ANKRD44: variants seen among roughly 807,000 people sequenced by gnomAD.
ANKRD44 encodes serine/threonine-protein phosphatase 6 regulatory ankyrin repeat subunit B.
Under a neutral mutation model 116.0 loss-of-function variants are expected in ANKRD44, and 35 were observed. That is an observed-to-expected ratio of 0.30 (90% CI 0.23 to 0.40). The LOEUF is 0.40. Ranked by LOEUF, ANKRD44 falls within the 10% of genes least tolerant of loss-of-function variation. The pLI is 1.00. For missense variants in ANKRD44, 1,014 were observed against 1,242.6 expected, an observed-to-expected ratio of 0.82 and a Z score of 2.77; for synonymous variants, 435 against 461.8, an observed-to-expected ratio of 0.94 and a Z score of 0.74.
At chr2:196,990,061 A>G in intron 27 of ANKRD44, 1 of 1,007,878 alleles carries the variant, frequency 9.9e-7, no homozygotes, top group African/African-American at 1.7e-5. Context: ...AGCAAGTTCA[A>G]TTTTTCAATT....
intron 2 of ANKRD44, among the ~76,000 whole-genome samples, chr2:197,153,497 G>A (rs1290131279): frequency 6.6e-6 from 1 of 152,140 alleles, no homozygotes; most frequent in East Asian, 1.9e-4. Context: ...CATGAGGACA[G>A]GAGCCAAACG....
At chr2:197,037,132 ACGTTCATATGAG>A (rs2076822761) in intron 16 of ANKRD44, among the ~76,000 whole-genome samples, 1 of 152,166 alleles carries the variant, frequency 6.6e-6, no homozygotes, top group Non-Finnish European at 1.5e-5. Flanking sequence ...ATACACCAAA[ACGTTCATATGAG>A]CGGAGGTAGT....
At chr2:197,019,475 G>A (rs894469674) in intron 17 of ANKRD44, among the ~76,000 whole-genome samples, 1 of 152,162 alleles carries the variant, frequency 6.6e-6, no homozygotes, top group Non-Finnish European at 1.5e-5. Flanking sequence ...CCTATGCTCT[G>A]CTCCTGTTAT....
intron 9 of ANKRD44, among the ~76,000 whole-genome samples, chr2:197,104,896 C>T (rs1011467676): frequency 3.3e-5 from 5 of 152,232 alleles, no homozygotes; most frequent in Non-Finnish European, 5.9e-5. Flanking sequence ...CTTCCCTCTA[C>T]TCTCAAGACT....
chr2:197,151,403 C>A (rs547524142), intron 2 of ANKRD44, among the ~76,000 whole-genome samples: 2 of 152,106 alleles, frequency 1.3e-5, no homozygotes, highest in African/African-American at 4.8e-5. Flanking sequence ...ACTTAAGACA[C>A]AAAGGACAAA....
intron 2 of ANKRD44, among the ~76,000 whole-genome samples, chr2:197,173,291 G>A (rs1025523557): frequency 2.0e-5 from 3 of 152,108 alleles, no homozygotes; most frequent in Non-Finnish European, 4.4e-5. Flanking sequence ...CTTTTTCAGT[G>A]ACACCTACAA....
At chr2:197,103,129 G>A (rs930531278) in intron 9 of ANKRD44, among the ~76,000 whole-genome samples, 36 of 151,430 alleles carry the variant, frequency 2.4e-4, no homozygotes, top group Admixed American at 6.6e-5. Context: ...TTGGGAGGCT[G>A]AGGCAGGAGA....
chr2:196,989,243 A>T lies in ANKRD44; in HGVS notation c.*348T>A. 1 of 985,848 alleles carries T rather than the reference A, an allele frequency of 1.0e-6. No individual in the cohort carries two copies. The highest frequency in any genetic ancestry group is 1.2e-6 in the Non-Finnish European group (1 of 830,034). 61.1% of individuals were successfully genotyped at this position (985,848 alleles called of 1,614,324 possible). ...ATTTCAAATAAATATAAACACATTT[A>T]CAGCAAAAGTATATGGACATTTTCT... On this transcript the variant is annotated 3_prime_UTR_variant, in exon 28 of 28. Transcript: ENST00000282272.
At chr2:197,014,270 T>C (rs990538392) in intron 17 of ANKRD44, among the ~76,000 whole-genome samples, 1 of 152,234 alleles carries the variant, frequency 6.6e-6, no homozygotes, top group East Asian at 1.9e-4. Flanking sequence ...GTTTGTTTCT[T>C]CATGTATAAG....
intron 27 of ANKRD44, among the ~76,000 whole-genome samples, chr2:196,993,123 T>G (rs899203343): frequency 6.6e-6 from 1 of 152,160 alleles, no homozygotes; most frequent in African/African-American, 2.4e-5. Context: ...ATTTCCATAC[T>G]GGGAATATGA....
chr2:197,098,512 T>C (rs897998519), intron 10 of ANKRD44, among the ~76,000 whole-genome samples: 2 of 152,218 alleles, frequency 1.3e-5, no homozygotes, highest in Non-Finnish European at 2.9e-5. Flanking sequence ...AAAAATTTAG[T>C]TATTGTTACA....
intron 1 of ANKRD44, among the ~76,000 whole-genome samples, chr2:197,209,013 A>G (rs1396302400): frequency 6.6e-6 from 1 of 152,336 alleles, no homozygotes; most frequent in Admixed American, 6.5e-5. Flanking sequence ...CAAAGGGGAT[A>G]TAACAGGCAA....
At chr2:197,082,373 C>A (rs2077817447) in intron 14 of ANKRD44, among the ~76,000 whole-genome samples, 1 of 152,100 alleles carries the variant, frequency 6.6e-6, no homozygotes, top group Non-Finnish European at 1.5e-5. Context: ...GAAGAGGAAA[C>A]AAGCAGTATT....
At chr2:197,211,451 T>C (rs1335230360) in intron 1 of ANKRD44, among the ~76,000 whole-genome samples, 2 of 152,190 alleles carry the variant, frequency 1.3e-5, no homozygotes, top group Non-Finnish European at 2.9e-5. Flanking sequence ...AAAGTACCTG[T>C]AACAGAAGAC....
intron 1 of ANKRD44, among the ~76,000 whole-genome samples, chr2:197,279,112 T>G (rs1240075488): frequency 6.6e-6 from 1 of 152,186 alleles, no homozygotes; most frequent in Non-Finnish European, 1.5e-5. Flanking sequence ...AGTGCTGTAT[T>G]TAAGAGTGGA....
intron 17 of ANKRD44, 45 bp from the exon 18 acceptor site, chr2:197,013,757 C>A (rs747646304): frequency 3.1e-6 from 5 of 1,602,630 alleles, no homozygotes; most frequent in South Asian, 1.1e-5. Flanking sequence ...TCGCTCACCT[C>A]AAATCCCGCC....
intron 21 of ANKRD44, among the ~76,000 whole-genome samples, chr2:196,967,663 CA>C (rs2075683807): frequency 1.3e-5 from 2 of 152,060 alleles, no homozygotes; most frequent in African/African-American, 2.4e-5. Context: ...TAATCGTATG[CA>C]ATAAACAATG....
chr2:197,053,229 C>T (rs888989924), intron 16 of ANKRD44, among the ~76,000 whole-genome samples: 2 of 152,128 alleles, frequency 1.3e-5, no homozygotes, highest in African/African-American at 4.8e-5. Context: ...CACACACCCA[C>T]ACCCACATCC....
intron 16 of ANKRD44, among the ~76,000 whole-genome samples, chr2:197,032,489 T>C (rs899971074): frequency 2.6e-5 from 4 of 151,150 alleles, no homozygotes; most frequent in Non-Finnish European, 4.4e-5. Context: ...CCCGGGTTCA[T>C]GTGATTCTCC....
Sources: gnomAD v4.1 joint callset for allele counts (sites outside exome capture counted in the v4.1 genomes callset) on GRCh38, gnomAD v4.1.1 for gene constraint, MANE v1.5 for transcripts, NCBI Gene and HGNC (gene_info 2026-07-23, HGNC 2026-07-21) for gene names.